The following VSTM4 variants were observed in gnomAD, a reference collection of about 807,000 sequenced individuals.
VSTM4 encodes V-set and transmembrane domain containing 4.
VSTM4 carries 20 observed loss-of-function variants against 36.4 expected under a neutral mutation model. The observed-to-expected ratio is 0.55, with a 90% confidence interval of 0.39 to 0.80. The LOEUF is 0.80. Ranked by LOEUF, VSTM4 falls within the 30% of genes least tolerant of loss-of-function variation. The probability of loss-of-function intolerance (pLI) is 0.00; values close to 1 mark genes in which losing one functional copy is unlikely to be tolerated. For missense variants in VSTM4, 392 were observed against 404.5 expected (o/e 0.97, Z 0.26); for synonymous variants, 182 against 173.9 (o/e 1.05, Z -0.37).
intron 4 of VSTM4, among the ~76,000 whole-genome samples, chr10:49,070,460 G>C (rs957146830): frequency 6.6e-6 from 1 of 152,046 alleles, no homozygotes; most frequent in African/African-American, 2.4e-5. Context: ...TATTTCTAGG[G>C]GGCATCATGA....
intron 5 of VSTM4, 157 bp downstream of exon 5, chr10:49,064,546 A>G: frequency 1.2e-6 from 1 of 820,438 alleles, no homozygotes; most frequent in South Asian, 1.7e-5. Flanking sequence ...CCTTGGAAAC[A>G]TGCAAATGCA....
intron 7 of VSTM4, among the ~76,000 whole-genome samples, chr10:49,039,571 C>T (rs1590077888): frequency 6.6e-6 from 1 of 152,154 alleles, no homozygotes; most frequent in East Asian, 1.9e-4. Context: ...CCCTAGAGAA[C>T]AGGGGTGGCC....
intron 2 of VSTM4, among the ~76,000 whole-genome samples, chr10:49,086,360 A>C (rs1731410406): frequency 6.6e-6 from 1 of 152,222 alleles, no homozygotes; most frequent in Admixed American, 6.5e-5. Flanking sequence ...TTTTAGTGGG[A>C]ATCTTTCTAA....
chr10:49,051,006 A>T (rs1843688761), intron 5 of VSTM4, among the ~76,000 whole-genome samples: 1 of 152,210 alleles, frequency 6.6e-6, no homozygotes, highest in Admixed American at 6.5e-5. Context: ...AACATCCTGC[A>T]CTAGAGTAGG....
intron 7 of VSTM4, among the ~76,000 whole-genome samples, chr10:49,021,101 T>C (rs1286761539): frequency 6.6e-6 from 1 of 152,072 alleles, no homozygotes; most frequent in Non-Finnish European, 1.5e-5. Context: ...GGAATATTAT[T>C]AAAATAAAGA....
chr10:49,108,116 C>T, intron 1 of VSTM4, 121 bp from the exon 2 acceptor site: 2 of 1,360,376 alleles, frequency 1.5e-6, no homozygotes, highest in Non-Finnish European at 1.9e-6. Flanking sequence ...TCTGCCTGGC[C>T]AGAGAAGCAG....
chr10:49,044,228 T>G (rs1843565015), intron 7 of VSTM4, among the ~76,000 whole-genome samples: 1 of 152,062 alleles, frequency 6.6e-6, no homozygotes. Flanking sequence ...CTTGAGAGGC[T>G]GAGGCACAAG....
At chr10:49,106,694 G>T (rs761346930) in intron 2 of VSTM4, among the ~76,000 whole-genome samples, 1 of 152,174 alleles carries the variant, frequency 6.6e-6, no homozygotes, top group Non-Finnish European at 1.5e-5. Flanking sequence ...TGGGTGCCCG[G>T]CACCCCCCAG....
chr10:49,079,208 A>G (rs1034174950), intron 3 of VSTM4, among the ~76,000 whole-genome samples: 1 of 151,720 alleles, frequency 6.6e-6, no homozygotes, highest in Non-Finnish European at 1.5e-5. Flanking sequence ...GTTCATGTAC[A>G]TACATCTCTT....
At chr10:49,062,080 T>C (rs898733673) in intron 5 of VSTM4, among the ~76,000 whole-genome samples, 3 of 152,246 alleles carry the variant, frequency 2.0e-5, no homozygotes, top group Admixed American at 2.0e-4. Flanking sequence ...ACACGGTCTA[T>C]TGGCACCAAC....
At chr10:49,020,727 A>AGAAGGAAGGAAGGAAG (rs1164757548) in intron 7 of VSTM4, among the ~76,000 whole-genome samples, 1 of 74,572 alleles carries the variant, frequency 1.3e-5, no homozygotes, top group African/African-American at 4.2e-5. Context: ...GAAGGAAAGA[A>AGAAGGAAGGAAGGAAG]GAAGGAAGGA....
rs1261612882 is a variant in VSTM4 at position 49,015,229 on chromosome 10, C to G, written c.*4421G>C. On this transcript the variant is annotated 3_prime_UTR_variant, in exon 8 of 8. Coordinates refer to ENST00000332853, the MANE Select transcript of VSTM4 (RefSeq NM_001031746.5). Reference sequence around the variant, plus strand: ...CTCCGCCTCCCGGGTTCATGCCATTCTCCTGCCTCAGCCTCCCGAGTAGCT... The same window carrying G: ...CTCCGCCTCCCGGGTTCATGCCATTGTCCTGCCTCAGCCTCCCGAGTAGCT... 6.6e-6 allele frequency: 1 copy of G among 150,846 alleles called. No individual in the cohort carries two copies. Among genetic ancestry groups the G allele is most frequent in the South Asian group, 2.1e-4 (1 of 4,788 alleles). The allele number at this position is 150,846 out of a possible 1,614,324, so 9.3% of individuals were successfully genotyped here.
intron 7 of VSTM4, among the ~76,000 whole-genome samples, chr10:49,045,202 TTCTC>T (rs55748405): frequency 6.7e-5 from 10 of 148,496 alleles, no homozygotes; most frequent in African/African-American, 9.8e-5. Context: ...CAGTCTTTCT[TTCTC>T]TCTCTCTCTC....
At chr10:49,082,321 G>A (rs1216959547) in intron 3 of VSTM4, among the ~76,000 whole-genome samples, 1 of 152,198 alleles carries the variant, frequency 6.6e-6, no homozygotes, top group East Asian at 1.9e-4. Context: ...ACAAAGGCTT[G>A]AGTTTAACAA....
intron 3 of VSTM4, among the ~76,000 whole-genome samples, chr10:49,082,534 G>A (rs941148291): frequency 1.3e-5 from 2 of 152,102 alleles, no homozygotes; most frequent in African/African-American, 4.8e-5. Context: ...AATTAGCCAG[G>A]TGTGGTGGCA....
At chr10:49,038,168 G>A (rs1449876016) in intron 7 of VSTM4, among the ~76,000 whole-genome samples, 1 of 152,162 alleles carries the variant, frequency 6.6e-6, no homozygotes, top group Admixed American at 6.5e-5. Flanking sequence ...CCATGGTCAC[G>A]TCAGCATTAG....
intron 6 of VSTM4, 135 bp from the exon 7 acceptor site, chr10:49,047,179 G>C: frequency 1.1e-6 from 1 of 908,242 alleles, no homozygotes; most frequent in Non-Finnish European, 1.8e-6. Context: ...TTCTGATCTA[G>C]GTGTCAGCAA....
At chr10:49,096,757 T>C (rs1844579148) in intron 2 of VSTM4, among the ~76,000 whole-genome samples, 1 of 151,498 alleles carries the variant, frequency 6.6e-6, no homozygotes, top group African/African-American at 2.4e-5. Flanking sequence ...CAGGTCCAAG[T>C]GATTCTCCTG....
intron 7 of VSTM4, 86 bp from the exon 8 acceptor site, chr10:49,019,861 T>C (rs1174387240): frequency 1.3e-6 from 2 of 1,492,594 alleles, no homozygotes; most frequent in Non-Finnish European, 8.9e-7. Flanking sequence ...GTATGCATGT[T>C]CATAGCATTT....
Sources: gnomAD v4.1 joint callset for allele counts (sites outside exome capture counted in the v4.1 genomes callset) on GRCh38, gnomAD v4.1.1 for gene constraint, MANE v1.5 for transcripts, NCBI Gene and HGNC (gene_info 2026-07-23, HGNC 2026-07-21) for gene names.